Variants in PRTG observed in about 807,000 individuals in gnomAD.
PRTG encodes the protein protogenin, also known as immunoglobulin superfamily, DCC subclass, member 5.
PRTG carries 67 observed loss-of-function variants against 122.5 expected under a neutral mutation model. The ratio of observed to expected loss-of-function variants is 0.55; its 90% CI spans 0.45 to 0.67. The LOEUF (loss-of-function observed/expected upper bound fraction) is 0.67, where lower values mean the gene tolerates loss of function less well. Ranked by LOEUF, PRTG falls within the 30% of genes least tolerant of loss-of-function variation. The pLI, the probability that PRTG is intolerant of heterozygous loss-of-function variation, is 0.00. For synonymous variants in PRTG, 554 were observed against 501.1 expected (o/e 1.11, Z -1.41); for missense variants, 1,435 against 1,415.4 (o/e 1.01, Z -0.22).
intron 2 of PRTG, among the ~76,000 whole-genome samples, chr15:55,710,761 T>G (rs1232228841): frequency 6.6e-6 from 1 of 152,206 alleles, no homozygotes; most frequent in Admixed American, 6.5e-5. Flanking sequence ...AGAATATAAT[T>G]AAAATTATCA....
chr15:55,631,543 A>G (rs991625171), intron 15 of PRTG, among the ~76,000 whole-genome samples: 2 of 152,200 alleles, frequency 1.3e-5, no homozygotes, highest in African/African-American at 4.8e-5. Flanking sequence ...GCATTTCACA[A>G]ATACTGAAGT....
intron 11 of PRTG, among the ~76,000 whole-genome samples, chr15:55,658,663 TAA>T (rs1447838547): frequency 2.0e-5 from 3 of 152,162 alleles, no homozygotes; most frequent in Non-Finnish European, 4.4e-5. Flanking sequence ...GAATTTCTGG[TAA>T]AAGAGTATGC....
At chr15:55,708,044 T>C (rs1486364945) in intron 2 of PRTG, among the ~76,000 whole-genome samples, 1 of 150,164 alleles carries the variant, frequency 6.7e-6, no homozygotes, top group Non-Finnish European at 1.5e-5. Context: ...GTCTCTTCTG[T>C]GATGGACACT....
rs372897811 is a variant in PRTG at position 55,710,249 on chromosome 15, T to C, written c.398-26318A>G. Among the ~76,000 whole-genome samples the C allele has an allele frequency of 1.6e-4, 25 of 152,350 alleles. No individual in the cohort carries two copies. In the South Asian group the frequency reaches 4.3e-3, roughly 26 times the overall value. On this transcript the variant is annotated intron_variant, in intron 2 of 19. Coordinates refer to ENST00000389286, the MANE Select transcript of PRTG (RefSeq NM_173814.6). ...CCTTTAAAAGTTCCAGAAAGCCCTA[T>C]TGAAAATCACAAATATTTTCATCAG...
intron 7 of PRTG, 47 bp from the exon 8 acceptor site, chr15:55,678,091 A>C (rs555943665): frequency 4.0e-6 from 5 of 1,255,640 alleles, no homozygotes; most frequent in Non-Finnish European, 5.6e-6. Flanking sequence ...CTAAGAATGA[A>C]TTCAAAATAA....
At chr15:55,726,656 A>AG (rs1397542847) in intron 2 of PRTG, among the ~76,000 whole-genome samples, 1 of 151,112 alleles carries the variant, frequency 6.6e-6, no homozygotes, top group East Asian at 1.9e-4. Context: ...AAAAAAAAAA[A>AG]ATAGATTAAA....
At chr15:55,713,691 C>T (rs1428096342) in intron 2 of PRTG, among the ~76,000 whole-genome samples, 1 of 151,622 alleles carries the variant, frequency 6.6e-6, no homozygotes, top group African/African-American at 2.4e-5. Flanking sequence ...AGCATAATTT[C>T]ATGTTTATAA....
Position 55,625,919 on chromosome 15 carries a change from G to A in PRTG, c.2927+1089C>T, listed in dbSNP as rs572217826. 3.3e-5 allele frequency among the ~76,000 whole-genome samples: 5 copies of A among 151,808 alleles called. No individual in the cohort carries two copies. The South Asian group carries it at 6.3e-4, about 19-fold the overall frequency. On this transcript the variant is annotated intron_variant, in intron 17 of 19. Coordinates refer to ENST00000389286, the MANE Select transcript of PRTG (RefSeq NM_173814.6). ...ATTACAGGCGTGAACCATTGCACCCGGCCTAACATTTTTTGTAGAGATAAG... is the reference window on the plus strand; with the variant it reads ...ATTACAGGCGTGAACCATTGCACCCAGCCTAACATTTTTTGTAGAGATAAG...
chr15:55,718,784 C>G (rs2030701055), intron 2 of PRTG, among the ~76,000 whole-genome samples: 2 of 151,940 alleles, frequency 1.3e-5, no homozygotes, highest in Non-Finnish European at 2.9e-5. Context: ...TCTCTGTCAC[C>G]CAGGCTGGAG....
chr15:55,675,133 G>A (rs897461920), intron 9 of PRTG, among the ~76,000 whole-genome samples: 2 of 151,998 alleles, frequency 1.3e-5, no homozygotes, highest in Non-Finnish European at 2.9e-5. Context: ...GTGATAAATC[G>A]TATAAAGTCC....
chr15:55,679,506 C>T, intron 6 of PRTG, 61 bp from the exon 7 acceptor site: 1 of 1,333,556 alleles, frequency 7.5e-7, no homozygotes, highest in Non-Finnish European at 1.0e-6. Flanking sequence ...TGTAAAGGGT[C>T]AAGGAAGAAA....
chr15:55,613,760 T>G lies in PRTG; in HGVS notation c.*6252A>C, dbSNP rs2059130659. On this transcript the variant is annotated 3_prime_UTR_variant, in exon 20 of 20. Coordinates refer to ENST00000389286, the MANE Select transcript of PRTG (RefSeq NM_173814.6). ...CTATGACCCTGGGTGATTAAATACC[T>G]TTTTTTTTTTTTTTTTTTTTTAAGC... The G allele has an allele frequency of 3.7e-5, 1 of 26,668 alleles. No homozygotes were observed. Among genetic ancestry groups the G allele is most frequent in the African/African-American group, 7.8e-5 (1 of 12,852 alleles). The allele number at this position is 26,668 out of a possible 1,614,324, so 1.7% of individuals were successfully genotyped here.
At chr15:55,656,483 C>A in intron 11 of PRTG, 1 of 373,356 alleles carries the variant, frequency 2.7e-6, no homozygotes, top group Non-Finnish European at 5.1e-6. Context: ...AACATGACTT[C>A]GAAAGCTTTC....
intron 2 of PRTG, among the ~76,000 whole-genome samples, chr15:55,730,932 A>C (rs1418853082): frequency 6.6e-6 from 1 of 152,196 alleles, no homozygotes; most frequent in Non-Finnish European, 1.5e-5. Flanking sequence ...CTAAGACTAC[A>C]GAAGTTGCGA....
intron 11 of PRTG, among the ~76,000 whole-genome samples, chr15:55,666,913 A>G (rs922656489): frequency 4.6e-5 from 7 of 152,210 alleles, no homozygotes; most frequent in Non-Finnish European, 8.8e-5. Flanking sequence ...TCATTTGTTA[A>G]TAAGTTGTGA....
intron 2 of PRTG, among the ~76,000 whole-genome samples, chr15:55,700,825 G>T (rs2059659449): frequency 6.6e-6 from 1 of 152,072 alleles, no homozygotes; most frequent in South Asian, 2.1e-4. Context: ...ACTGTTAAGA[G>T]AATGAAAGAA....
chr15:55,712,116 C>T (rs929761185), intron 2 of PRTG, among the ~76,000 whole-genome samples: 1 of 152,162 alleles, frequency 6.6e-6, no homozygotes, highest in Admixed American at 6.5e-5. Flanking sequence ...CTCAAAGTAA[C>T]CTCTTCAATC....
chr15:55,675,824 G>T, intron 8 of PRTG, 141 bp from the exon 9 acceptor site: 1 of 486,338 alleles, frequency 2.1e-6, no homozygotes, highest in Non-Finnish European at 3.6e-6. Context: ...AATGTGAACA[G>T]GAAGGTCTTT....
chr15:55,703,734 T>C (rs533136656), intron 2 of PRTG, among the ~76,000 whole-genome samples: 32 of 152,316 alleles, frequency 2.1e-4, no homozygotes, highest in South Asian at 4.1e-4. Context: ...TATTACATCT[T>C]TCTCAACTTC....
Sources: allele counts gnomAD v4.1 joint callset (sites outside exome capture counted in the v4.1 genomes callset), GRCh38; gene constraint gnomAD v4.1.1; transcripts MANE v1.5; gene names NCBI Gene and HGNC (gene_info 2026-07-23, HGNC 2026-07-21).